The following FBXO25 variants were observed in gnomAD, a reference collection of about 807,000 sequenced individuals.
The protein encoded by FBXO25 is F-box protein 25, also known as F-box only protein 25.
FBXO25 carries 45 observed loss-of-function variants against 51.9 expected under a neutral mutation model. That is an observed-to-expected ratio of 0.87 (90% CI 0.68 to 1.11). The LOEUF is 1.11. Ranked by LOEUF, FBXO25 falls within the 50% of genes most tolerant of loss-of-function variation. FBXO25 has a pLI of 0.00. For synonymous variants in FBXO25, 199 were observed against 151.0 expected (o/e 1.32, Z -2.33); for missense variants, 507 against 428.5 (o/e 1.18, Z -1.62).
chr8:462,918 A>G, intron 8 of FBXO25, 89 bp from the exon 9 acceptor site: 3 of 1,453,966 alleles, frequency 2.1e-6, no homozygotes, highest in Admixed American at 2.3e-5. Flanking sequence ...AGAAATTAAA[A>G]ACTAAAATAA....
intron 7 of FBXO25, among the ~76,000 whole-genome samples, chr8:452,882 G>C (rs1799183203): frequency 6.6e-6 from 1 of 152,220 alleles, no homozygotes; most frequent in Admixed American, 6.5e-5. Context: ...GGCCGAGACA[G>C]AGCAGGAAGG....
intron 7 of FBXO25, among the ~76,000 whole-genome samples, chr8:457,739 T>C (rs1799539632): frequency 6.6e-6 from 1 of 152,234 alleles, no homozygotes; most frequent in Admixed American, 6.5e-5. Flanking sequence ...AGCTGGGCTG[T>C]GGCCATCGGT....
At chr8:408,833 A>C (rs1487010086) in intron 1 of FBXO25, among the ~76,000 whole-genome samples, 2 of 152,232 alleles carry the variant, frequency 1.3e-5, no homozygotes. Context: ...GTCTGAAATA[A>C]GTTGGCATAA....
intron 5 of FBXO25, among the ~76,000 whole-genome samples, chr8:447,964 A>G (rs1798843274): frequency 6.6e-6 from 1 of 152,200 alleles, no homozygotes; most frequent in African/African-American, 2.4e-5. Flanking sequence ...ACAGAGGCGA[A>G]GGTGGGATTG....
chr8:468,446 T>C (rs1751281256), intron 9 of FBXO25, among the ~76,000 whole-genome samples: 1 of 152,082 alleles, frequency 6.6e-6, no homozygotes, highest in Non-Finnish European at 1.5e-5. Flanking sequence ...AGCTGGCTCC[T>C]CTGACTCAGT....
intron 1 of FBXO25, among the ~76,000 whole-genome samples, chr8:408,705 G>A (rs973696961): frequency 2.0e-5 from 3 of 152,204 alleles, no homozygotes; most frequent in Non-Finnish European, 4.4e-5. Flanking sequence ...CATGCCAAGA[G>A]TTTCCACCAG....
chr8:412,438 C>A (rs1796535204), intron 1 of FBXO25, among the ~76,000 whole-genome samples: 1 of 152,206 alleles, frequency 6.6e-6, no homozygotes, highest in Admixed American at 6.5e-5. Flanking sequence ...ATTCAGAAGC[C>A]TCCAGTCCCA....
intron 2 of FBXO25, among the ~76,000 whole-genome samples, chr8:417,660 T>C (rs1796891070): frequency 6.6e-6 from 1 of 152,222 alleles, no homozygotes; most frequent in East Asian, 1.9e-4. Flanking sequence ...AGTGAGGTGG[T>C]GTCACCATGT....
At chr8:437,356 G>T (rs1332616401) in intron 5 of FBXO25, among the ~76,000 whole-genome samples, 3 of 152,202 alleles carry the variant, frequency 2.0e-5, no homozygotes, top group Non-Finnish European at 4.4e-5. Context: ...GTGAGCTCAG[G>T]AAGCAAAAGG....
chr8:407,885 A>C (rs1371516704), intron 1 of FBXO25, among the ~76,000 whole-genome samples: 4 of 152,070 alleles, frequency 2.6e-5, no homozygotes, highest in Admixed American at 1.3e-4. Flanking sequence ...TCTCAATTAG[A>C]TTCCACCTCT....
At chr8:419,502 A>G (rs1482101035) in intron 2 of FBXO25, among the ~76,000 whole-genome samples, 1 of 152,244 alleles carries the variant, frequency 6.6e-6, no homozygotes, top group Non-Finnish European at 1.5e-5. Context: ...AAGTCCATAC[A>G]GATATGGTCG....
At chr8:456,284 A>G (rs1356320525) in intron 7 of FBXO25, among the ~76,000 whole-genome samples, 1 of 152,114 alleles carries the variant, frequency 6.6e-6, no homozygotes, top group East Asian at 1.9e-4. Context: ...GTCATAGCTC[A>G]CTGCAGCCTT....
intron 2 of FBXO25, among the ~76,000 whole-genome samples, chr8:414,092 C>T (rs11778642): frequency 0.37 from 56,638 of 151,912 alleles, 11,945 homozygotes; most frequent in African/African-American, 0.59. Flanking sequence ...GACAGAAGTT[C>T]AGTAACTTTA....
intron 9 of FBXO25, chr8:467,599 T>TAAATAATATGAATCA: frequency 9.9e-7 from 1 of 1,014,338 alleles, no homozygotes; most frequent in East Asian, 2.4e-5. Context: ...GTTATTTTCG[T>TAAATAATATGAATCA]AAATAATATG....
chr8:468,524 T>C (rs567274459), intron 9 of FBXO25, among the ~76,000 whole-genome samples, 191 bp from the exon 10 acceptor site: 1 of 152,180 alleles, frequency 6.6e-6, no homozygotes, highest in African/African-American at 2.4e-5. Context: ...AGGAGTTCCA[T>C]GGGAAACCTC....
chr8:453,553 G>T (rs546000151), intron 7 of FBXO25, among the ~76,000 whole-genome samples: 6 of 152,260 alleles, frequency 3.9e-5, no homozygotes, highest in African/African-American at 1.4e-4. Context: ...GACTCAGTCA[G>T]CCAAATTGGT....
rs138667796 is a variant in FBXO25 at position 421,274 on chromosome 8, C to G, written c.134+8061C>G. ...ACAGTTTCATCCTGAAACCATCCCCCCTCCTCGCCCCAGTCTGTGGAAAAA... is the reference window on the plus strand; with the variant it reads ...ACAGTTTCATCCTGAAACCATCCCCGCTCCTCGCCCCAGTCTGTGGAAAAA... On this transcript the variant is annotated intron_variant, in intron 2 of 9. Transcript: ENST00000350302. Among the ~76,000 whole-genome samples the G allele has an allele frequency of 5.5e-4, 84 of 152,342 alleles. 1 individual carries two copies. Among genetic ancestry groups the G allele is most frequent in the South Asian group, 1.0e-3 (5 of 4,832 alleles).
intron 5 of FBXO25, among the ~76,000 whole-genome samples, chr8:441,209 C>A (rs1798406227): frequency 6.6e-6 from 1 of 152,158 alleles, no homozygotes. Context: ...AGAAATAACG[C>A]CACACGTCTA....
In FBXO25 at chr8:469,752, G is replaced by C. The variant is rs2116872413; in HGVS notation, c.*948G>C. Reference sequence around the variant, plus strand: ...AAGAGTATGAAAAATCCCCTCAGCAGGCATAGGATAGAAACGTATTGTTGT... The same window carrying C: ...AAGAGTATGAAAAATCCCCTCAGCACGCATAGGATAGAAACGTATTGTTGT... On this transcript the variant is annotated 3_prime_UTR_variant, in exon 10 of 10. Coordinates refer to ENST00000350302, the MANE Select transcript of FBXO25 (RefSeq NM_183420.2). The C allele has an allele frequency of 6.6e-6, 1 of 152,264 alleles. No individual in the cohort carries two copies. Among genetic ancestry groups the C allele is most frequent in the East Asian group, 1.9e-4 (1 of 5,184 alleles). The allele number at this position is 152,264 out of a possible 1,614,324, so 9.4% of individuals were successfully genotyped here.
Sources: allele counts gnomAD v4.1 joint callset (sites outside exome capture counted in the v4.1 genomes callset), GRCh38; gene constraint gnomAD v4.1.1; transcripts MANE v1.5; gene names NCBI Gene and HGNC (gene_info 2026-07-23, HGNC 2026-07-21).